RNF31: variants seen among roughly 807,000 people sequenced by gnomAD.
RNF31 encodes E3 ubiquitin-protein ligase RNF31.
In RNF31, 38 loss-of-function variants were observed where a neutral mutation model predicts 133.6. That is an observed-to-expected ratio of 0.28 (90% CI 0.22 to 0.37). The LOEUF is 0.37. RNF31 is among the 10% of genes least tolerant of loss of function. The pLI is 1.00. For synonymous variants in RNF31, 582 were observed against 552.3 expected (o/e 1.05, Z -0.75); for missense variants, 1,118 against 1,394.1 (o/e 0.80, Z 3.15).
Position 24,148,981 on chromosome 14 carries a change from G to C in RNF31, c.631+105G>C, listed in dbSNP as rs1215039447. 9 of 1,105,488 alleles carry C rather than the reference G, an allele frequency of 8.1e-6. No individual in the cohort carries two copies. The African/African-American group carries it at 9.3e-5, about 11-fold the overall frequency. The allele number at this position is 1,105,488 out of a possible 1,614,324, so 68.5% of individuals were successfully genotyped here. A position where few individuals can be genotyped will look rare whatever the true frequency, so the allele number is the denominator to read the frequency against. On this transcript the variant is annotated intron_variant, in intron 5 of 20. Transcript: ENST00000324103. ...ATCTTCCTTTGTGTTTGTTTGTTTTGAGACGGAGTTTTGCTCTTGTTGCCC... is the reference window on the plus strand; with the variant it reads ...ATCTTCCTTTGTGTTTGTTTGTTTTCAGACGGAGTTTTGCTCTTGTTGCCC...
At chr14:24,159,352 CAA>C (rs777764741) in intron 18 of RNF31, among the ~76,000 whole-genome samples, 5 of 54,350 alleles carry the variant, frequency 9.2e-5, no homozygotes, top group Admixed American at 2.2e-4. Context: ...AACTCCATCT[CAA>C]AAAAAAAAAA....
In RNF31 at chr14:24,155,729, G is replaced by A. The variant is rs1171999477; in HGVS notation, c.2493+37G>A. ...TCATCCTTTCAGAAATACTTGCTGA[G>A]CTACTGCCAGGTACTGTGTTAGACT... On this transcript the variant is annotated intron_variant, in intron 14 of 20. Coordinates refer to ENST00000324103, the MANE Select transcript of RNF31 (RefSeq NM_017999.5). This position sits in a 1 kb window ranked among gnomAD's most constrained non-coding sequence, Gnocchi z 4.9. The A allele has an allele frequency of 6.4e-7, 1 of 1,560,010 alleles. No individual in the cohort carries two copies. The highest frequency in any genetic ancestry group is 1.1e-5 in the South Asian group (1 of 89,832).
At chr14:24,146,936 G>T (rs1388673407), upstream of RNF31, 3 of 334,282 alleles carry the variant, frequency 9.0e-6, no homozygotes, top group Non-Finnish European at 1.7e-5. Context: ...TGGCAAAGGG[G>T]GTATTCAGTG....
chr14:24,157,584 C>A lies in RNF31; in HGVS notation c.2673C>A (p.Thr891=), dbSNP rs375341281. 3.7e-6 allele frequency: 6 copies of A among 1,614,020 alleles called. No individual in the cohort carries two copies. The African/African-American group carries it at 4.0e-5, about 11-fold the overall frequency. The change falls in exon 16 of 21, where the codon ACC becomes ACA. Residue 891 remains threonine (T), a synonymous_variant. Transcript: ENST00000324103. ...ARGGCMHFHC[T]QCRHQFCSGC... ...GAGGCTGCATGCACTTTCACTGTACCCAGTGCCGCCACCAGTTCTGCAGCG... is the reference window on the plus strand; with the variant it reads ...GAGGCTGCATGCACTTTCACTGTACACAGTGCCGCCACCAGTTCTGCAGCG...
rs569126089 is a variant in RNF31 at position 24,159,328 on chromosome 14, G to T, written c.2900-536G>T. ...CGCCATTGCACTCCAGTCCAGCCTG[G>T]GCAACAAGAGTGAAACTCCATCTCA... On this transcript the variant is annotated intron_variant, in intron 18 of 20. Coordinates refer to ENST00000324103, the MANE Select transcript of RNF31 (RefSeq NM_017999.5). Among the ~76,000 whole-genome samples, 15 of 144,670 alleles carry T rather than the reference G, an allele frequency of 1.0e-4. No individual in the cohort carries two copies. In the East Asian group the frequency reaches 2.7e-3, roughly 26 times the overall value. 94.9% of individuals were successfully genotyped at this position (144,670 alleles called of 152,430 possible).
At chr14:24,159,673 C>T (rs982396105) in intron 18 of RNF31, 191 bp from the exon 19 acceptor site, 1 of 515,226 alleles carries the variant, frequency 1.9e-6, no homozygotes, top group African/African-American at 1.9e-5. Context: ...GGACAAGGTC[C>T]CTGCCTCTGT....
At position 24,148,095 on chromosome 14, in the gene RNF31, C is replaced by T; in HGVS notation, c.312C>T (p.Val104=). 1.2e-6 allele frequency: 2 copies of T among 1,614,248 alleles called. No individual in the cohort carries two copies. The highest frequency in any genetic ancestry group is 1.7e-6 in the Non-Finnish European group (2 of 1,180,052). ...YWRGVKFNNP[V]FRSTVDAVQG... is the part of the protein sequence containing the mutation. ...GTGGTGTCAAGTTTAATAACCCTGT[C>T]TTTCGCAGCACGGTGGATGCTGTGC... Residue 104 remains valine, a synonymous_variant, in exon 2 of 21, where the codon GTC becomes GTT. Transcript: ENST00000324103.
chr14:24,160,376 A>AT lies in RNF31; in HGVS notation c.3135dup (p.Pro1046SerfsTer?), dbSNP rs762705340. 6.2e-7 allele frequency: 1 copy of AT among 1,614,074 alleles called. No individual in the cohort carries two copies. The highest frequency in any genetic ancestry group is 8.5e-7 in the Non-Finnish European group (1 of 1,179,970). The stretch of plus-strand genomic sequence containing the variant: ...CGCCCCCAGCCTTTGGCTGGAGAGG[A>AT]TCCCCCTGCTTACCAGGCCCGCTTG... On this transcript the variant is annotated frameshift_variant, in exon 20 of 21. Transcript: ENST00000324103. LOFTEE classifies it high-confidence loss of function. This position sits in a 1 kb window ranked among gnomAD's most constrained non-coding sequence, Gnocchi z 4.0.
Position 24,150,237 on chromosome 14 carries a change from GTAAGGGGT to G in RNF31, c.988_995del (p.Lys330GlyfsTer5). 6.2e-7 allele frequency: 1 copy of G among 1,614,238 alleles called. No individual in the cohort carries two copies. The highest frequency in any genetic ancestry group is 8.5e-7 in the Non-Finnish European group (1 of 1,180,038). The stretch of plus-strand genomic sequence containing the variant: ...GTGGCCTGTGATCGGCCCCGAGGCT[GTAAGGGGT>G]TGGGGTTGGGAACTGAGGGTCCCCA... On this transcript the variant is annotated frameshift_variant, in exon 7 of 21. Transcript: ENST00000324103. LOFTEE classifies it high-confidence loss of function.
In RNF31 at chr14:24,157,367, C is replaced by A; in HGVS notation, c.2571C>A (p.Ala857=). 6.2e-7 allele frequency: 1 copy of A among 1,612,126 alleles called. No individual in the cohort carries two copies. Among genetic ancestry groups the A allele is most frequent in the South Asian group, 1.1e-5 (1 of 91,018 alleles). ...GCATGAACGACCCAGAATACCAGGC[C>A]CAGGGCCTAGCAATGTATCTTCAGG... The part of the protein sequence containing the change: ...WKRMNDPEYQ[A]QGLAMYLQEN... The change falls in exon 15 of 21, where the codon GCC becomes GCA. Residue 857 remains alanine, a synonymous_variant. Coordinates refer to ENST00000324103, the MANE Select transcript of RNF31 (RefSeq NM_017999.5).
chr14:24,157,810 C>A, intron 16 of RNF31, 88 bp from the exon 17 acceptor site: 1 of 1,186,558 alleles, frequency 8.4e-7, no homozygotes, highest in Non-Finnish European at 1.2e-6. Context: ...CATCTCCCCT[C>A]ACCCTTACAC....
chr14:24,151,716 AGAGGGAGCT>A lies in RNF31; in HGVS notation c.1923+52_1924-56del. The A allele has an allele frequency of 6.2e-7, 1 of 1,604,224 alleles. No homozygotes were observed. ...GCCCAAGGGTCCACCTAGAGGAGCA[AGAGGGAGCT>A]GAGGGGAAGGGTCCCTGGAGTCTGA... is the stretch of plus-strand genomic sequence containing the variant. On this transcript the variant is annotated intron_variant, in intron 10 of 20. Coordinates refer to ENST00000324103, the MANE Select transcript of RNF31 (RefSeq NM_017999.5). This position sits in a 1 kb window ranked among gnomAD's most constrained non-coding sequence, Gnocchi z 5.3.
At chr14:24,159,210 G>C (rs1183244496) in intron 18 of RNF31, among the ~76,000 whole-genome samples, 4 of 151,492 alleles carry the variant, frequency 2.6e-5, no homozygotes, top group African/African-American at 9.7e-5. Context: ...AGCAAGGTGT[G>C]GTGGCAGGCA....
chr14:24,150,699 C>T lies in RNF31; in HGVS notation c.1299C>T (p.Asn433=). ...CTGGCTGGGTGTGTGTTATGTGCAA[C>T]CGGACTAGTAGCCCCATTCCAGCAC... ...SSPGWVCVMC[N]RTSSPIPAQH... is the part of the protein sequence containing the mutation. Residue 433 remains asparagine (N), a synonymous_variant, in exon 8 of 21, where the codon AAC becomes AAT. Transcript: ENST00000324103. The T allele has an allele frequency of 4.3e-6, 7 of 1,614,184 alleles. No homozygotes were observed. Among genetic ancestry groups the T allele is most frequent in the Non-Finnish European group, 5.9e-6 (7 of 1,180,036 alleles).
At position 24,157,350 on chromosome 14, in the gene RNF31, G is replaced by A. The variant is rs1485086584; in HGVS notation, c.2554G>A (p.Asp852Asn). 2.5e-6 allele frequency: 4 copies of A among 1,612,432 alleles called. No individual in the cohort carries two copies. Among genetic ancestry groups the A allele is most frequent in the East Asian group, 4.5e-5 (2 of 44,840 alleles). Residue 852 changes from aspartate (D) to asparagine (N), a missense_variant, in exon 15 of 21, where the codon GAC becomes AAC. Asp to Asn is a conservative substitution (Grantham distance 23). Around this residue, in one of 3 missense-constraint regions of RNF31, gnomAD observed 201 missense variants for 371.7 expected, o/e 0.54. Coordinates refer to ENST00000324103, the MANE Select transcript of RNF31 (RefSeq NM_017999.5). ...EDFQNWKRMN[D>N]PEYQAQGLAM... The stretch of plus-strand genomic sequence containing the variant: ...CTTCCAGAACTGGAAACGCATGAAC[G>A]ACCCAGAATACCAGGCCCAGGGCCT...
At chr14:24,150,021 GGT>G in intron 6 of RNF31, 38 bp from the exon 7 acceptor site, 1 of 1,519,084 alleles carries the variant, frequency 6.6e-7, no homozygotes, top group South Asian at 1.3e-5. Flanking sequence ...CCAGGCACCA[GGT>G]GCCACTTCAG....
chr14:24,160,484 G>C lies in RNF31; in HGVS notation c.3166-36G>C. 6.4e-7 allele frequency: 1 copy of C among 1,569,754 alleles called. No homozygotes were observed. The stretch of plus-strand genomic sequence containing the variant: ...GGTGCTGACTGTGTCTGAGCTCCAG[G>C]CTTCCAATATCATTACCTTCTCTCT... On this transcript the variant is annotated intron_variant, in intron 20 of 20. Coordinates refer to ENST00000324103, the MANE Select transcript of RNF31 (RefSeq NM_017999.5). The surrounding 1 kb of genome is among the most constrained non-coding windows in gnomAD (Gnocchi z 4.0).
intron 1 of RNF31, 26 bp downstream of exon 1, chr14:24,147,916 G>C: frequency 1.2e-6 from 2 of 1,612,812 alleles, no homozygotes; most frequent in Non-Finnish European, 8.5e-7. Flanking sequence ...GCTTGGAAGG[G>C]GGACACCAGG....
chr14:24,154,596 T>C (rs78513864), intron 11 of RNF31, among the ~76,000 whole-genome samples: 26 of 152,318 alleles, frequency 1.7e-4, no homozygotes, highest in East Asian at 7.7e-4. Flanking sequence ...TGACTTCTTA[T>C]ATAGTTATAG....
Sources: allele counts gnomAD v4.1 joint callset (sites outside exome capture counted in the v4.1 genomes callset), GRCh38; gene constraint gnomAD v4.1.1; regional missense constraint gnomAD v4.1.1; non-coding constraint Gnocchi (gnomAD v3.1); transcripts MANE v1.5; gene names NCBI Gene and HGNC (gene_info 2026-07-23, HGNC 2026-07-21).